The following OLA1 variants were observed in gnomAD, a reference collection of about 807,000 sequenced individuals.
The protein encoded by OLA1 is obg-like ATPase 1.
A neutral mutation model predicts 48.4 loss-of-function variants in OLA1; 14 were observed. That is an observed-to-expected ratio of 0.29 (90% CI 0.19 to 0.45). The LOEUF is 0.45. Ranked by LOEUF, OLA1 falls within the 20% of genes least tolerant of loss-of-function variation. OLA1 has a pLI of 1.00. For missense variants in OLA1, 325 were observed against 467.1 expected, an observed-to-expected ratio of 0.70 and a Z score of 2.80; for synonymous variants, 127 against 150.4, an observed-to-expected ratio of 0.84 and a Z score of 1.14.
chr2:174,247,363 C>T (rs1689148378), intron 1 of OLA1: 1 of 245,878 alleles, frequency 4.1e-6, no homozygotes, highest in Non-Finnish European at 7.8e-6. Flanking sequence ...CAAAGCTAGG[C>T]TCTGTCTTAA....
chr2:174,244,986 A>G (rs1395536755), intron 2 of OLA1, among the ~76,000 whole-genome samples: 1 of 152,126 alleles, frequency 6.6e-6, no homozygotes, highest in Non-Finnish European at 1.5e-5. Context: ...AGGATGTGAA[A>G]CCACAGATAC....
intron 2 of OLA1, among the ~76,000 whole-genome samples, chr2:174,245,240 T>A (rs1689100803): frequency 6.6e-6 from 1 of 152,202 alleles, no homozygotes; most frequent in African/African-American, 2.4e-5. Flanking sequence ...ACATTTCAAC[T>A]CTCTACTTAG....
chr2:174,209,327 A>G (rs936988157), intron 4 of OLA1, among the ~76,000 whole-genome samples: 15 of 152,286 alleles, frequency 9.8e-5, no homozygotes, highest in Middle Eastern at 6.8e-3. Context: ...AACTATCTCT[A>G]GAGCTTCTAT....
chr2:174,245,001 G>C (rs1689095969), intron 2 of OLA1, among the ~76,000 whole-genome samples: 1 of 152,008 alleles, frequency 6.6e-6, no homozygotes, highest in African/African-American at 2.4e-5. Flanking sequence ...AGATACAGAG[G>C]GTTGCCTATA....
At chr2:174,136,475 C>T (rs1162899210) in intron 5 of OLA1, among the ~76,000 whole-genome samples, 2 of 152,194 alleles carry the variant, frequency 1.3e-5, no homozygotes, top group African/African-American at 4.8e-5. Flanking sequence ...CAAGTTTTAT[C>T]ATGAGATTAC....
At chr2:174,115,277 T>C (rs1016799009) in intron 7 of OLA1, among the ~76,000 whole-genome samples, 4 of 152,186 alleles carry the variant, frequency 2.6e-5, no homozygotes, top group Non-Finnish European at 5.9e-5. Context: ...TTCTTTGAAG[T>C]TGTACATCGA....
In OLA1 at chr2:174,189,878, C is replaced by A. The variant is rs76031727; in HGVS notation, c.373+33155G>T. On this transcript the variant is annotated intron_variant, in intron 4 of 10. Transcript: ENST00000284719. The stretch of plus-strand genomic sequence containing the variant: ...ATAATCAGAGCAAAAAAAAAAAAAA[C>A]AAAACACACACACACACAACTGGAA... Among the ~76,000 whole-genome samples the A allele has an allele frequency of 0.02, 836 of 42,602 alleles. 44 individuals carry two copies. In the East Asian group the frequency reaches 0.26, roughly 13 times the overall value. 27.9% of individuals were successfully genotyped at this position (42,602 alleles called of 152,430 possible).
chr2:174,229,581 G>C, intron 2 of OLA1, 130 bp from the exon 3 acceptor site: 1 of 649,084 alleles, frequency 1.5e-6, no homozygotes, highest in Non-Finnish European at 2.6e-6. Flanking sequence ...GAGGGAAAAA[G>C]GAACAATACA....
intron 4 of OLA1, among the ~76,000 whole-genome samples, chr2:174,172,965 T>C (rs1687342790): frequency 6.6e-6 from 1 of 152,098 alleles, no homozygotes; most frequent in Non-Finnish European, 1.5e-5. Context: ...GTTCCCTCTC[T>C]AGCCATGTGA....
intron 4 of OLA1, among the ~76,000 whole-genome samples, chr2:174,163,955 T>C (rs887087109): frequency 2.6e-5 from 4 of 151,638 alleles, no homozygotes; most frequent in Non-Finnish European, 5.9e-5. Context: ...TGAATTGTAG[T>C]ACCCACAATC....
chr2:174,230,362 A>G (rs1688700719), intron 2 of OLA1, among the ~76,000 whole-genome samples: 1 of 152,190 alleles, frequency 6.6e-6, no homozygotes, highest in Admixed American at 6.5e-5. Flanking sequence ...TCTTTCCTAT[A>G]GAAACTGTAC....
At chr2:174,089,730 C>G (rs1012938910) in intron 7 of OLA1, among the ~76,000 whole-genome samples, 2 of 151,790 alleles carry the variant, frequency 1.3e-5, no homozygotes, top group Admixed American at 6.6e-5. Flanking sequence ...GGTGAAACGA[C>G]GTTTCTACAA....
chr2:174,147,139 A>G (rs965393442), intron 4 of OLA1, among the ~76,000 whole-genome samples: 9 of 152,160 alleles, frequency 5.9e-5, no homozygotes, highest in African/African-American at 2.2e-4. Context: ...CAGCAACAAC[A>G]AAAAAGGCCA....
chr2:174,159,710 T>C (rs1413014999), intron 4 of OLA1, among the ~76,000 whole-genome samples: 2 of 152,142 alleles, frequency 1.3e-5, no homozygotes, highest in African/African-American at 2.4e-5. Flanking sequence ...AGAATAATTC[T>C]GGGTGCCATA....
chr2:174,237,049 A>C (rs894501118), intron 2 of OLA1, among the ~76,000 whole-genome samples: 1 of 152,106 alleles, frequency 6.6e-6, no homozygotes, highest in Admixed American at 6.5e-5. Flanking sequence ...TTACTTTATC[A>C]ACTTTAATTT....
At chr2:174,142,333 TCTAAA>T (rs1000110448) in intron 4 of OLA1, among the ~76,000 whole-genome samples, 3 of 152,214 alleles carry the variant, frequency 2.0e-5, no homozygotes, top group Non-Finnish European at 4.4e-5. Flanking sequence ...AGATTGAAGT[TCTAAA>T]CTGCACTATT....
chr2:174,217,509 T>G lies in OLA1; in HGVS notation c.373+5524A>C, dbSNP rs1483977558. On this transcript the variant is annotated intron_variant, in intron 4 of 10. Transcript: ENST00000284719. ...AAGGAAAAGTATAAGAAAAGTTTTCTTTCCCACTTTTTTTGCTTTAATGAG... is the reference window on the plus strand; with the variant it reads ...AAGGAAAAGTATAAGAAAAGTTTTCGTTCCCACTTTTTTTGCTTTAATGAG... Among the ~76,000 whole-genome samples, 4 of 152,230 alleles carry G rather than the reference T, an allele frequency of 2.6e-5. 1 individual carries two copies. Among genetic ancestry groups the G allele is most frequent in the African/African-American group, 9.6e-5 (4 of 41,464 alleles).
At chr2:174,115,891 T>C (rs565401986) in intron 7 of OLA1, among the ~76,000 whole-genome samples, 42 of 152,230 alleles carry the variant, frequency 2.8e-4, no homozygotes, top group Non-Finnish European at 4.7e-4. Flanking sequence ...TTGTTGGATG[T>C]CTATTACTCC....
intron 7 of OLA1, among the ~76,000 whole-genome samples, chr2:174,120,320 T>C (rs1304604172): frequency 1.3e-5 from 2 of 152,152 alleles, no homozygotes; most frequent in Non-Finnish European, 2.9e-5. Flanking sequence ...CCGTCTATAG[T>C]ATAATCTTAG....
Sources: gnomAD v4.1 joint callset for allele counts (sites outside exome capture counted in the v4.1 genomes callset) on GRCh38, gnomAD v4.1.1 for gene constraint, MANE v1.5 for transcripts, NCBI Gene and HGNC (gene_info 2026-07-23, HGNC 2026-07-21) for gene names.